AQP4: variants seen among roughly 807,000 people sequenced by gnomAD.
AQP4 encodes aquaporin-4.
In AQP4, 18 loss-of-function variants were observed where a neutral mutation model predicts 27.8. That is an observed-to-expected ratio of 0.65 (90% CI 0.45 to 0.96). AQP4 has a LOEUF of 0.96. AQP4 is among the 40% of genes least tolerant of loss of function. AQP4 has a pLI of 0.00. For synonymous variants in AQP4, 141 were observed against 142.9 expected, an observed-to-expected ratio of 0.99 and a Z score of 0.10; for missense variants, 412 against 408.2, an observed-to-expected ratio of 1.01 and a Z score of -0.08.
At chr18:26,862,735 T>C (rs2054977812) in intron 1 of AQP4, 139 bp from the exon 2 acceptor site, 4 of 1,093,980 alleles carry the variant, frequency 3.7e-6, no homozygotes, top group African/African-American at 1.5e-5. Flanking sequence ...AAAGAATGCT[T>C]CTGCTAAAGC....
chr18:26,865,217 T>C (rs2055037317), intron 1 of AQP4: 2 of 297,340 alleles, frequency 6.7e-6, no homozygotes, highest in Non-Finnish European at 1.3e-5. Flanking sequence ...CCTTATATGT[T>C]CACAGTCACT....
intron 2 of AQP4, 122 bp downstream of exon 2, chr18:26,862,060 C>G: frequency 8.6e-7 from 1 of 1,157,138 alleles, no homozygotes; most frequent in South Asian, 1.3e-5. Context: ...TAAGAATCAT[C>G]AAAAATTCCC....
rs942248260 is a variant in AQP4 at position 26,865,541 on chromosome 18, C to T, written c.32+117G>A. 4 of 1,309,146 alleles carry T rather than the reference C, an allele frequency of 3.1e-6. No homozygotes were observed. In the African/African-American group the frequency reaches 4.3e-5, roughly 14 times the overall value. 81.1% of individuals were successfully genotyped at this position (1,309,146 alleles called of 1,614,324 possible). A position where few individuals can be genotyped will look rare whatever the true frequency, so the allele number is the denominator to read the frequency against. On this transcript the variant is annotated intron_variant, in intron 1 of 4. Transcript: ENST00000383168. ...TACTCAGATCTAAAAGAACCACCCA[C>T]CTGCCCTATAGCTGCCTTCCAGATT...
chr18:26,859,876 A>G (rs1370998630), intron 4 of AQP4, among the ~76,000 whole-genome samples: 1 of 152,186 alleles, frequency 6.6e-6, no homozygotes, highest in Non-Finnish European at 1.5e-5. Flanking sequence ...TTAAAGTTGT[A>G]AGTGACATTT....
Position 26,862,425 on chromosome 18 carries a change from G to A in AQP4, c.204C>T (p.Val68=), listed in dbSNP as rs555067760. 2.5e-6 allele frequency: 4 copies of A among 1,614,054 alleles called. No individual in the cohort carries two copies. Among genetic ancestry groups the A allele is most frequent in the African/African-American group, 2.7e-5 (2 of 74,902 alleles). The change falls in exon 2 of 5, where the codon GTC becomes GTT. Residue 68 remains valine, a synonymous_variant. Coordinates refer to ENST00000383168, the MANE Select transcript of AQP4 (RefSeq NM_001650.7). ...AGCAAAGGGAGATGAGAACCATGTC[G>A]ACCGGTAAAGGCTTTTCTGTTCCAC... ...NWGGTEKPLP[V]DMVLISLCFG...
At chr18:26,860,938 C>T (rs900098071) in intron 3 of AQP4, 86 bp from the exon 4 acceptor site, 75 of 1,446,472 alleles carry the variant, frequency 5.2e-5, no homozygotes, top group Non-Finnish European at 5.8e-6. Flanking sequence ...TGTCATTTGT[C>T]ACTTAGAGGA....
In AQP4 at chr18:26,856,477, C is replaced by A; in HGVS notation, c.706G>T (p.Gly236Trp). ...GCGAGGACAGCTCCTATGATGGGCC[C>A]AACCCAATATATCTAAGGAAAAGAT... ...NWENHWIYWV[G>W]PIIGAVLAGG... The change falls in exon 5 of 5, where the codon GGG becomes TGG. Residue 236 changes from glycine (G) to tryptophan (W), a missense_variant. Coordinates refer to ENST00000383168, the MANE Select transcript of AQP4 (RefSeq NM_001650.7). The A allele has an allele frequency of 6.2e-7, 1 of 1,614,132 alleles. No homozygotes were observed. The highest frequency in any genetic ancestry group is 8.5e-7 in the Non-Finnish European group (1 of 1,179,998).
intron 1 of AQP4, chr18:26,863,185 G>A (rs1157170500): frequency 6.3e-6 from 1 of 159,730 alleles, no homozygotes; most frequent in Non-Finnish European, 1.4e-5. Flanking sequence ...CAAGGGCGAT[G>A]GGAACAGGCA....
rs2054770464 is a variant in AQP4, at chr18:26,852,593, A to G, written c.*3618T>C. The G allele has an allele frequency of 2.6e-6, 1 of 380,322 alleles. No homozygotes were observed. Among genetic ancestry groups the G allele is most frequent in the South Asian group, 1.5e-4 (1 of 6,896 alleles). The allele number at this position is 380,322 out of a possible 1,614,324, so 23.6% of individuals were successfully genotyped here. On this transcript the variant is annotated 3_prime_UTR_variant, in exon 5 of 5. Coordinates refer to ENST00000383168, the MANE Select transcript of AQP4 (RefSeq NM_001650.7). ...TGTCTTTCATTTATTTCAGAGAATTATGAGTTTCAAAAGCTACTGCTCTTA... is the reference window on the plus strand; with the variant it reads ...TGTCTTTCATTTATTTCAGAGAATTGTGAGTTTCAAAAGCTACTGCTCTTA...
chr18:26,860,990 A>T, intron 3 of AQP4, 138 bp from the exon 4 acceptor site: 1 of 1,377,052 alleles, frequency 7.3e-7, no homozygotes, highest in East Asian at 2.3e-5. Context: ...CTCATTGAGC[A>T]GTTGGAAAAA....
chr18:26,862,909 A>C (rs1240292522), intron 1 of AQP4: 2 of 380,904 alleles, frequency 5.3e-6, no homozygotes, highest in Non-Finnish European at 9.7e-6. Context: ...CCTTGTACTT[A>C]ATTCCCTTAG....
chr18:26,856,285 G>T lies in AQP4; in HGVS notation c.898C>A (p.His300Asn), dbSNP rs1467217194. The T allele has an allele frequency of 6.2e-7, 1 of 1,614,038 alleles. No homozygotes were observed. The highest frequency in any genetic ancestry group is 1.3e-5 in the African/African-American group (1 of 74,912). Residue 300 changes from histidine to asparagine, a missense_variant, in exon 5 of 5, where the codon CAT (histidine) becomes AAT (asparagine). Physicochemically the swap from His to Asn is moderately conservative, Grantham distance 68 (BLOSUM62 1). Coordinates refer to ENST00000383168, the MANE Select transcript of AQP4 (RefSeq NM_001650.7). The part of the protein sequence containing the change: ...DDLILKPGVV[H>N]VIDVDRGEEK... ...TCTCCCCGGTCAACGTCAATCACAT[G>T]CACCACTCCAGGTTTTAGAATCAGG...
At chr18:26,861,366 G>T in intron 2 of AQP4, 71 bp from the exon 3 acceptor site, 2 of 1,443,946 alleles carry the variant, frequency 1.4e-6, no homozygotes, top group Middle Eastern at 1.8e-4. Context: ...TAATATCATT[G>T]TGAAAGGCAC....
chr18:26,865,626 G>A, intron 1 of AQP4, 32 bp downstream of exon 1: 1 of 1,613,992 alleles, frequency 6.2e-7, no homozygotes, highest in Non-Finnish European at 8.5e-7. Context: ...TTGGCCCTAA[G>A]CGTTGTTCCC....
chr18:26,852,949 G>T lies in AQP4; in HGVS notation c.*3262C>A. The T allele has an allele frequency of 2.5e-6, 1 of 398,294 alleles. No homozygotes were observed. Among genetic ancestry groups the T allele is most frequent in the Non-Finnish European group, 4.4e-6 (1 of 225,880 alleles). 24.7% of individuals were successfully genotyped at this position (398,294 alleles called of 1,614,324 possible). Reference sequence around the variant, plus strand: ...CATGCTGCAATCAGAGGCCTTCTAGGATTCATCTTACCATTTGAATTTACT... The same window carrying T: ...CATGCTGCAATCAGAGGCCTTCTAGTATTCATCTTACCATTTGAATTTACT... On this transcript the variant is annotated 3_prime_UTR_variant, in exon 5 of 5. Transcript: ENST00000383168.
In AQP4 at chr18:26,855,927, C is replaced by T. The variant is rs1239526043; in HGVS notation, c.*284G>A. Reference sequence around the variant, plus strand: ...CAAGACTTAACCAAATCTTGACACACGGTTAAAATTGGTTGTTAATGAAAG... The same window carrying T: ...CAAGACTTAACCAAATCTTGACACATGGTTAAAATTGGTTGTTAATGAAAG... On this transcript the variant is annotated 3_prime_UTR_variant, in exon 5 of 5. Coordinates refer to ENST00000383168, the MANE Select transcript of AQP4 (RefSeq NM_001650.7). 3.3e-5 allele frequency: 13 copies of T among 398,234 alleles called. No homozygotes were observed. The highest frequency in any genetic ancestry group is 4.9e-5 in the South Asian group (2 of 41,204). 24.7% of individuals were successfully genotyped at this position (398,234 alleles called of 1,614,324 possible). A position where few individuals can be genotyped will look rare whatever the true frequency, so the allele number is the denominator to read the frequency against.
intron 2 of AQP4, among the ~76,000 whole-genome samples, chr18:26,861,706 T>G (rs1395341912): frequency 9.2e-5 from 14 of 152,222 alleles, no homozygotes; most frequent in Admixed American, 9.2e-4. Flanking sequence ...TGTTTTTTTT[T>G]AATCAGCCCT....
chr18:26,864,140 A>G (rs2055013249), intron 1 of AQP4, among the ~76,000 whole-genome samples: 1 of 152,216 alleles, frequency 6.6e-6, no homozygotes, highest in Non-Finnish European at 1.5e-5. Flanking sequence ...GGGTTAGGCA[A>G]GAAAGCCAAG....
At chr18:26,864,197 C>T (rs1052735088) in intron 1 of AQP4, among the ~76,000 whole-genome samples, 6 of 152,272 alleles carry the variant, frequency 3.9e-5, no homozygotes, top group African/African-American at 7.2e-5. Flanking sequence ...TGACAAATTG[C>T]GGGGCCCTCA....
Sources: gnomAD v4.1 joint callset for allele counts (sites outside exome capture counted in the v4.1 genomes callset) on GRCh38, gnomAD v4.1.1 for gene constraint, MANE v1.5 for transcripts, NCBI Gene and HGNC (gene_info 2026-07-23, HGNC 2026-07-21) for gene names.